The following CDK8 variants were observed in gnomAD, a reference collection of about 807,000 sequenced individuals.
The protein encoded by CDK8 is cyclin dependent kinase 8, also known as cyclin-dependent kinase 8.
CDK8 carries 29 observed loss-of-function variants against 71.5 expected under a neutral mutation model. That is an observed-to-expected ratio of 0.41 (90% CI 0.30 to 0.55). The LOEUF (loss-of-function observed/expected upper bound fraction) is 0.55, where lower values mean the gene tolerates loss of function less well. CDK8 is among the 20% of genes least tolerant of loss of function. CDK8 has a pLI of 0.37. For missense variants in CDK8, 288 were observed against 572.6 expected, an observed-to-expected ratio of 0.50 and a Z score of 5.07; for synonymous variants, 161 against 192.1, an observed-to-expected ratio of 0.84 and a Z score of 1.34.
chr13:26,323,312 AGAGAGAGAGAGAGAGG>A (rs1428837462), intron 1 of CDK8, among the ~76,000 whole-genome samples: 1 of 133,624 alleles, frequency 7.5e-6, no homozygotes, highest in Non-Finnish European at 1.6e-5. Context: ...AGAGAGAGAG[AGAGAGAGAGAGAGAGG>A]GAGAGAGAGA....
chr13:26,363,597 T>G (rs57504707), intron 4 of CDK8, among the ~76,000 whole-genome samples: 2 of 151,990 alleles, frequency 1.3e-5, no homozygotes, highest in African/African-American at 4.8e-5. Flanking sequence ...CTTGGGCTCT[T>G]GGGCTCAAGC....
intron 1 of CDK8, among the ~76,000 whole-genome samples, chr13:26,305,712 G>C (rs577766229): frequency 6.6e-6 from 1 of 151,784 alleles, no homozygotes; most frequent in South Asian, 2.1e-4. Context: ...CATTTCTTCT[G>C]CTGTACAGCA....
chr13:26,264,716 T>G (rs1211052275), intron 1 of CDK8, among the ~76,000 whole-genome samples: 1 of 152,120 alleles, frequency 6.6e-6, no homozygotes, highest in Admixed American at 6.5e-5. Context: ...TCACTTCTCC[T>G]CCTCTCCTCC....
intron 4 of CDK8, among the ~76,000 whole-genome samples, chr13:26,380,863 T>C (rs1875193044): frequency 6.6e-6 from 1 of 152,238 alleles, no homozygotes; most frequent in Non-Finnish European, 1.5e-5. Context: ...TCTATCGCTC[T>C]ACAGTTTTAT....
At chr13:26,339,756 A>AAAAAT (rs1555231154) in intron 2 of CDK8, among the ~76,000 whole-genome samples, 77 of 142,984 alleles carry the variant, frequency 5.4e-4, no homozygotes, top group Middle Eastern at 3.6e-3. Context: ...TTAAAAAAAA[A>AAAAAT]ATATATATAT....
At chr13:26,330,982 G>A (rs1409498494) in intron 1 of CDK8, among the ~76,000 whole-genome samples, 2 of 152,114 alleles carry the variant, frequency 1.3e-5, no homozygotes, top group Non-Finnish European at 2.9e-5. Context: ...GGATTGAATG[G>A]TATTTCGATT....
At chr13:26,345,125 A>G (rs1304729176) in intron 2 of CDK8, among the ~76,000 whole-genome samples, 2 of 152,134 alleles carry the variant, frequency 1.3e-5, no homozygotes, top group African/African-American at 2.4e-5. Flanking sequence ...CAACTCCATT[A>G]TAATCTTATA....
Position 26,256,826 on chromosome 13 carries a change from G to A in CDK8, c.128+2057G>A, listed in dbSNP as rs558785419. On this transcript the variant is annotated intron_variant, in intron 1 of 12. Transcript: ENST00000381527. ...AGTTTGTTTTCCATCAGTCTTTAAT[G>A]ATTCTCTTTATGTGATGAACTTCTA... 1.5e-3 allele frequency among the ~76,000 whole-genome samples: 228 copies of A among 152,224 alleles called. 1 individual carries two copies. The highest frequency in any genetic ancestry group is 5.3e-3 in the African/African-American group (219 of 41,546).
chr13:26,354,038 A>G (rs543518499), intron 4 of CDK8, among the ~76,000 whole-genome samples, 158 bp downstream of exon 4: 3 of 152,320 alleles, frequency 2.0e-5, no homozygotes, highest in South Asian at 4.1e-4. Flanking sequence ...GTGTTTTTAT[A>G]TAATGCCTCC....
chr13:26,327,008 G>A (rs183425754), intron 1 of CDK8, among the ~76,000 whole-genome samples: 6 of 152,264 alleles, frequency 3.9e-5, no homozygotes, highest in East Asian at 3.9e-4. Flanking sequence ...ACAAATCTAC[G>A]TGGCCCTTTA....
intron 1 of CDK8, among the ~76,000 whole-genome samples, chr13:26,274,164 T>C (rs980112106): frequency 2.0e-5 from 3 of 152,176 alleles, no homozygotes; most frequent in Admixed American, 2.0e-4. Flanking sequence ...TTAAGGTTTT[T>C]GATATATGAA....
At chr13:26,390,420 A>T (rs752650216) in intron 6 of CDK8, among the ~76,000 whole-genome samples, 3 of 152,246 alleles carry the variant, frequency 2.0e-5, no homozygotes, top group Non-Finnish European at 2.9e-5. Context: ...GTTGTGCAGA[A>T]CTGCAAGCTG....
intron 2 of CDK8, among the ~76,000 whole-genome samples, chr13:26,340,780 A>G (rs1339908920): frequency 6.6e-6 from 1 of 151,894 alleles, no homozygotes; most frequent in African/African-American, 2.4e-5. Context: ...TGTTCCCCCA[A>G]CCCTCTAGAC....
At chr13:26,366,471 G>T (rs1199896655) in intron 4 of CDK8, among the ~76,000 whole-genome samples, 3 of 152,012 alleles carry the variant, frequency 2.0e-5, no homozygotes, top group Non-Finnish European at 4.4e-5. Flanking sequence ...TGAAAGAAAT[G>T]TTCGTTTATT....
chr13:26,309,495 A>G (rs1378787481), intron 1 of CDK8, among the ~76,000 whole-genome samples: 1 of 152,048 alleles, frequency 6.6e-6, no homozygotes, highest in Non-Finnish European at 1.5e-5. Flanking sequence ...TAGCTTTTGA[A>G]TTATTATACT....
At chr13:26,382,610 A>G (rs1416811411) in intron 4 of CDK8, among the ~76,000 whole-genome samples, 2 of 152,208 alleles carry the variant, frequency 1.3e-5, no homozygotes, top group Admixed American at 1.3e-4. Context: ...GGAGAAAAGC[A>G]CTGCCATATC....
At chr13:26,393,609 C>G (rs2138063718) in intron 7 of CDK8, 99 bp downstream of exon 7, 2 of 1,182,788 alleles carry the variant, frequency 1.7e-6, no homozygotes, top group Non-Finnish European at 2.4e-6. Context: ...ATGGAAGCTA[C>G]TTTTACTTGA....
At chr13:26,323,204 T>G (rs997736144) in intron 1 of CDK8, among the ~76,000 whole-genome samples, 1 of 152,136 alleles carries the variant, frequency 6.6e-6, no homozygotes, top group Non-Finnish European at 1.5e-5. Flanking sequence ...CTCCCAGTTC[T>G]GGAAGTTGTA....
At chr13:26,402,419 T>C (rs1391379118) in intron 12 of CDK8, among the ~76,000 whole-genome samples, 1 of 152,116 alleles carries the variant, frequency 6.6e-6, no homozygotes, top group African/African-American at 2.4e-5. Flanking sequence ...ACACAAGGGT[T>C]CAGTGTGGGA....
Sources: gnomAD v4.1 joint callset for allele counts (sites outside exome capture counted in the v4.1 genomes callset) on GRCh38, gnomAD v4.1.1 for gene constraint, MANE v1.5 for transcripts, NCBI Gene and HGNC (gene_info 2026-07-23, HGNC 2026-07-21) for gene names.